Variants in ZZZ3 observed in about 807,000 individuals in gnomAD.
The protein encoded by ZZZ3 is zinc finger ZZ-type containing 3.
In ZZZ3, 22 loss-of-function variants were observed where a neutral mutation model predicts 95.2. That is an observed-to-expected ratio of 0.23 (90% CI 0.17 to 0.33). The LOEUF (loss-of-function observed/expected upper bound fraction) is 0.33, where lower values mean the gene tolerates loss of function less well. Ranked by LOEUF, ZZZ3 falls within the 10% of genes least tolerant of loss-of-function variation. The pLI is 1.00. For synonymous variants in ZZZ3, 335 were observed against 358.9 expected, an observed-to-expected ratio of 0.93 and a Z score of 0.75; for missense variants, 885 against 1,066.5, an observed-to-expected ratio of 0.83 and a Z score of 2.37.
At chr1:77,580,863 T>C (rs1662440750) in intron 9 of ZZZ3, 135 bp downstream of exon 9, 1 of 690,570 alleles carries the variant, frequency 1.4e-6, no homozygotes, top group African/African-American at 1.8e-5. Context: ...TGACTTCAAG[T>C]GATCCACCCA....
intron 8 of ZZZ3, among the ~76,000 whole-genome samples, chr1:77,581,352 T>C (rs1453664037): frequency 2.6e-5 from 4 of 152,148 alleles, no homozygotes; most frequent in African/African-American, 4.8e-5. Context: ...AATTGAAAAG[T>C]AACATGTCCA....
intron 5 of ZZZ3, among the ~76,000 whole-genome samples, chr1:77,602,538 A>T (rs1278139775): frequency 1.3e-5 from 2 of 152,134 alleles, no homozygotes. Context: ...AATTTCAATT[A>T]TCATTAAGAA....
intron 1 of ZZZ3, among the ~76,000 whole-genome samples, chr1:77,677,835 A>G (rs1205491194): frequency 6.6e-6 from 1 of 152,194 alleles, no homozygotes; most frequent in African/African-American, 2.4e-5. Flanking sequence ...TACATAAAAA[A>G]TATACATTAA....
chr1:77,682,289 G>A (rs570931813), intron 1 of ZZZ3, among the ~76,000 whole-genome samples: 1 of 152,322 alleles, frequency 6.6e-6, no homozygotes, highest in African/African-American at 2.4e-5. Flanking sequence ...GGGAAAAACT[G>A]ACAAGAACAT....
chr1:77,623,009 A>T (rs1447359018), intron 5 of ZZZ3, among the ~76,000 whole-genome samples: 2 of 152,338 alleles, frequency 1.3e-5, no homozygotes, highest in South Asian at 4.1e-4. Context: ...TTACAGTCAT[A>T]ACAGAGTAAC....
At chr1:77,655,776 C>A (rs911817033) in intron 1 of ZZZ3, among the ~76,000 whole-genome samples, 1 of 152,140 alleles carries the variant, frequency 6.6e-6, no homozygotes, top group African/African-American at 2.4e-5. Context: ...CAGACAAACA[C>A]CCTGGACTTT....
At chr1:77,573,475 T>TC (rs1161305190) in intron 12 of ZZZ3, among the ~76,000 whole-genome samples, 1 of 152,148 alleles carries the variant, frequency 6.6e-6, no homozygotes, top group African/African-American at 2.4e-5. Context: ...ATTTATCTCC[T>TC]CCCATAGACG....
chr1:77,639,215 A>C (rs1668558018), intron 4 of ZZZ3, among the ~76,000 whole-genome samples: 1 of 152,068 alleles, frequency 6.6e-6, no homozygotes, highest in Admixed American at 6.6e-5. Flanking sequence ...CTGAGTAAAA[A>C]ATTCCAACAT....
At chr1:77,600,408 T>TA (rs1557713935) in intron 5 of ZZZ3, among the ~76,000 whole-genome samples, 1 of 152,070 alleles carries the variant, frequency 6.6e-6, no homozygotes, top group East Asian at 1.9e-4. Context: ...AGTGAACAAA[T>TA]AGACAAAGAA....
intron 5 of ZZZ3, among the ~76,000 whole-genome samples, chr1:77,587,044 A>G (rs1044402990): frequency 6.6e-6 from 1 of 152,214 alleles, no homozygotes; most frequent in Non-Finnish European, 1.5e-5. Flanking sequence ...AAGCATTAGT[A>G]ATTATCAAGA....
intron 6 of ZZZ3, among the ~76,000 whole-genome samples, chr1:77,583,422 T>C (rs1224439372): frequency 6.6e-6 from 1 of 152,154 alleles, no homozygotes; most frequent in Non-Finnish European, 1.5e-5. Context: ...AATAAACACT[T>C]AAAGGGGCCT....
At chr1:77,574,676 A>G (rs1229712725) in intron 12 of ZZZ3, among the ~76,000 whole-genome samples, 2 of 152,210 alleles carry the variant, frequency 1.3e-5, no homozygotes, top group Non-Finnish European at 2.9e-5. Flanking sequence ...GCTATTAAAC[A>G]CTATTAGAGT....
chr1:77,629,179 A>T (rs978648358), intron 5 of ZZZ3, among the ~76,000 whole-genome samples: 1 of 152,174 alleles, frequency 6.6e-6, no homozygotes, highest in Admixed American at 6.5e-5. Context: ...GAGGAAAGAG[A>T]CTTTACTGAA....
At chr1:77,650,719 T>C (rs186693890) in intron 1 of ZZZ3, among the ~76,000 whole-genome samples, 150 of 144,462 alleles carry the variant, frequency 1.0e-3, no homozygotes, top group Middle Eastern at 3.7e-3. Context: ...AAAATAACAA[T>C]GAGCAGAAAT....
chr1:77,628,326 C>T (rs781741128), intron 5 of ZZZ3, among the ~76,000 whole-genome samples: 1 of 152,170 alleles, frequency 6.6e-6, no homozygotes, highest in Non-Finnish European at 1.5e-5. Context: ...TTTCAGAAGG[C>T]ATGTCTAATA....
At chr1:77,681,899 CA>C (rs61661880) in intron 1 of ZZZ3, among the ~76,000 whole-genome samples, 203 of 94,716 alleles carry the variant, frequency 2.1e-3, no homozygotes, top group East Asian at 3.7e-3. Context: ...GACTCCGTCT[CA>C]AAAAAAAAAA....
intron 5 of ZZZ3, among the ~76,000 whole-genome samples, chr1:77,599,163 T>A (rs1664494305): frequency 6.6e-6 from 1 of 152,088 alleles, no homozygotes; most frequent in Admixed American, 6.6e-5. Context: ...AGTATTTAGG[T>A]ATATGAGCAT....
At chr1:77,645,736 T>G (rs1269619076) in intron 1 of ZZZ3, 3 of 152,126 alleles carry the variant, frequency 2.0e-5, no homozygotes, top group Non-Finnish European at 4.4e-5. Flanking sequence ...TTTGGGAGGC[T>G]GAGGTGGGCA....
intron 5 of ZZZ3, among the ~76,000 whole-genome samples, chr1:77,603,775 TAAAA>T (rs957150660): frequency 1.3e-5 from 2 of 150,898 alleles, no homozygotes; most frequent in Non-Finnish European, 3.0e-5. Flanking sequence ...AAGAGCTTCT[TAAAA>T]AAAAAGAGGA....
Sources: gnomAD v4.1 joint callset for allele counts (sites outside exome capture counted in the v4.1 genomes callset) on GRCh38, gnomAD v4.1.1 for gene constraint, MANE v1.5 for transcripts, NCBI Gene and HGNC (gene_info 2026-07-23, HGNC 2026-07-21) for gene names.